CT45A10: variants seen among roughly 807,000 people sequenced by gnomAD.
CT45A10 encodes the protein cancer/testis antigen family 45 member A10.
Under a neutral mutation model 8.3 loss-of-function variants are expected in CT45A10, and 19 were observed. The observed-to-expected ratio is 2.30, with a 90% CI of 1.61 to 3.38. CT45A10 has a LOEUF of 3.38. CT45A10 is among the 30% of genes most tolerant of loss of function. CT45A10 has a pLI of 0.00. For synonymous variants in CT45A10, 28 were observed against 26.5 expected (o/e 1.06, Z -0.17); for missense variants, 149 against 85.9 (o/e 1.73, Z -2.90).
In CT45A10 at chrX:135,891,110, C is replaced by T. The variant is rs782703156; in HGVS notation, c.-7+2235G>A. On this transcript the variant is annotated intron_variant, in intron 1 of 4. Coordinates refer to ENST00000682849, the MANE Select transcript of CT45A10 (RefSeq NM_001291529.2). ...ACAAACTTTGATTCTTACCCCATCC[C>T]ACTGCAGAAAACATTATTAAAGATA... 8.9e-4 allele frequency among the ~76,000 whole-genome samples: 99 copies of T among 111,354 alleles called. 1 individual carries two copies. The highest frequency in any genetic ancestry group is 1.1e-3 in the Non-Finnish European group (59 of 53,061).
intron 1 of CT45A10, among the ~76,000 whole-genome samples, chrX:135,891,843 A>G (rs1442833266): frequency 8.9e-6 from 1 of 111,880 alleles, no homozygotes; most frequent in East Asian, 2.8e-4. Context: ...GTATTTTAAT[A>G]CATGTACATA....
At chrX:135,892,863 G>A (rs371153777) in intron 1 of CT45A10, among the ~76,000 whole-genome samples, 28 of 110,233 alleles carry the variant, frequency 2.5e-4, no homozygotes, top group African/African-American at 7.6e-4. Flanking sequence ...GATAAAGCCC[G>A]CGACAGAGAG....
At chrX:135,889,270 A>G (rs1382061363) in intron 1 of CT45A10, 3 of 131,916 alleles carry the variant, frequency 2.3e-5, no homozygotes, top group Non-Finnish European at 4.2e-5. Context: ...TCGCCTGGGT[A>G]ACATAGTGAG....
At chrX:135,882,920 G>A (rs1444980723) in intron 3 of CT45A10, 88 bp downstream of exon 3, 15 of 1,076,750 alleles carry the variant, frequency 1.4e-5, no homozygotes, top group South Asian at 4.3e-5. Context: ...CAAAGAATGA[G>A]CCTCAAGAGG....
rs1172473173 is a variant in CT45A10, at chrX:135,893,424, A to C, written c.-86T>G. Among the ~76,000 whole-genome samples the C allele has an allele frequency of 2.7e-5, 3 of 112,438 alleles. No individual in the cohort carries two copies. Among genetic ancestry groups the C allele is most frequent in the Non-Finnish European group, 5.6e-5 (3 of 53,181 alleles). ...CTCCCCACTGTTGTAACTTTGTAGAAACTTGCCGTTTGGGAGTTATGGGAA... is the reference window on the plus strand; with the variant it reads ...CTCCCCACTGTTGTAACTTTGTAGACACTTGCCGTTTGGGAGTTATGGGAA... On this transcript the variant is annotated 5_prime_UTR_variant, in exon 1 of 5. Coordinates refer to ENST00000682849, the MANE Select transcript of CT45A10 (RefSeq NM_001291529.2).
chrX:135,893,286 C>A (rs945674098), intron 1 of CT45A10, among the ~76,000 whole-genome samples, 59 bp downstream of exon 1: 9 of 111,794 alleles, frequency 8.1e-5, no homozygotes, highest in African/African-American at 2.6e-4. Context: ...GACACTTTCC[C>A]GGGCGAAATT....
In CT45A10 at chrX:135,882,990, C is replaced by A; in HGVS notation, c.418+18G>T. On this transcript the variant is annotated intron_variant, in intron 3 of 4. Transcript: ENST00000682849. ...ACTTCCTACAGTTTTATAAAACAGA[C>A]GTTCTTACACTACTTACTTCGTCCA... 8.4e-7 allele frequency: 1 copy of A among 1,193,354 alleles called. No homozygotes were observed.
chrX:135,890,465 T>G (rs2088490196), intron 1 of CT45A10, among the ~76,000 whole-genome samples: 1 of 112,550 alleles, frequency 8.9e-6, no homozygotes, highest in African/African-American at 3.2e-5. Flanking sequence ...AGTCTGGACA[T>G]CTAAAACTTG....
rs1170794243 is a variant in CT45A10, at chrX:135,883,064, T to G, written c.362A>C (p.Glu121Ala). 1.2e-4 allele frequency: 146 copies of G among 1,197,411 alleles called. 4 individuals are homozygous for G. The highest frequency in any genetic ancestry group is 1.0e-3 in the Admixed American group (47 of 45,508). ...GIASSPKSQQ[E>A]INADIKCQVV... Reference sequence around the variant, plus strand: ...TTGACATTTTATATCAGCATTAATTTCTTGTTGGCTTTTGGGAGAGGAGGC... The same window carrying G: ...TTGACATTTTATATCAGCATTAATTGCTTGTTGGCTTTTGGGAGAGGAGGC... Residue 121 changes from glutamate to alanine, a missense_variant, in exon 3 of 5, where the codon GAA (glutamate) becomes GCA (alanine). By Grantham distance (107) the Glu-to-Ala change is moderately radical. Transcript: ENST00000682849.
intron 1 of CT45A10, among the ~76,000 whole-genome samples, 87 bp downstream of exon 1, chrX:135,893,258 C>T (rs916931222): frequency 2.7e-5 from 3 of 111,588 alleles, no homozygotes; most frequent in Admixed American, 9.4e-5. Context: ...TCAGAAAAGA[C>T]ACTTTCTGAG....
chrX:135,893,219 A>G (rs183490086), intron 1 of CT45A10, among the ~76,000 whole-genome samples, 126 bp downstream of exon 1: 1 of 110,930 alleles, frequency 9.0e-6, no homozygotes, highest in Admixed American at 9.5e-5. Context: ...TTCCCAGGGA[A>G]CCCTACCACA....
chrX:135,891,219 C>G (rs2501475), intron 1 of CT45A10, among the ~76,000 whole-genome samples: 23,496 of 109,716 alleles, frequency 0.21, 2,003 homozygotes, highest in Non-Finnish European at 0.26. Flanking sequence ...GATAAAAAAG[C>G]TCTAACCATA....
chrX:135,882,742 C>A, intron 3 of CT45A10, 113 bp from the exon 4 acceptor site: 1 of 428,247 alleles, frequency 2.3e-6, no homozygotes, highest in Non-Finnish European at 4.0e-6. Context: ...ATGCTTAAAT[C>A]AAGATACCTG....
chrX:135,891,399 TATATA>T lies in CT45A10; in HGVS notation c.-7+1941_-7+1945del, dbSNP rs1342265685. ...TAATCATATATAAATATATATAGTATATATAATATAATATTTTATATATATACATA... is the reference window on the plus strand; with the variant it reads ...TAATCATATATAAATATATATAGTATATATAATATTTTATATATATACATA... On this transcript the variant is annotated intron_variant, in intron 1 of 4. Transcript: ENST00000682849. 1.3e-4 allele frequency among the ~76,000 whole-genome samples: 14 copies of T among 107,498 alleles called. No individual in the cohort carries two copies. The East Asian group carries it at 2.0e-3, about 15-fold the overall frequency. 93.3% of individuals were successfully genotyped at this position (107,498 alleles called of 115,157 possible).
chrX:135,891,229 A>G (rs2088496870), intron 1 of CT45A10, among the ~76,000 whole-genome samples: 1 of 110,973 alleles, frequency 9.0e-6, no homozygotes, highest in African/African-American at 3.3e-5. Context: ...CTCTAACCAT[A>G]AAGAATACAT....
chrX:135,889,833 A>G (rs1405602644), intron 1 of CT45A10, among the ~76,000 whole-genome samples: 9 of 72,531 alleles, frequency 1.2e-4, no homozygotes, highest in Admixed American at 1.2e-3. Context: ...AAAGTTGGAA[A>G]AAAAAAAAAA....
intron 4 of CT45A10, among the ~76,000 whole-genome samples, chrX:135,882,067 C>T (rs1476147837): frequency 6.2e-5 from 3 of 48,046 alleles, no homozygotes; most frequent in Admixed American, 2.3e-4. Context: ...AACAGGGTGA[C>T]TATAGTTGGT....
chrX:135,889,962 C>G (rs1021966501), intron 1 of CT45A10, among the ~76,000 whole-genome samples: 1 of 111,993 alleles, frequency 8.9e-6, no homozygotes, highest in Non-Finnish European at 1.9e-5. Context: ...ATTCCAGACA[C>G]TGTATGAAAA....
chrX:135,883,289 G>C, intron 2 of CT45A10, 33 bp from the exon 3 acceptor site: 2 of 1,195,415 alleles, frequency 1.7e-6, no homozygotes, highest in Non-Finnish European at 1.1e-6. Flanking sequence ...AAAGCCATCA[G>C]TTGGTGTTTG....
Sources: gnomAD v4.1 joint callset for allele counts (sites outside exome capture counted in the v4.1 genomes callset) on GRCh38, gnomAD v4.1.1 for gene constraint, MANE v1.5 for transcripts, NCBI Gene and HGNC (gene_info 2026-07-23, HGNC 2026-07-21) for gene names.